The following ANO3 variants were observed in gnomAD, a reference collection of about 807,000 sequenced individuals.
ANO3 encodes the protein anoctamin 3, also known as anoctamin-3.
Under a neutral mutation model 144.8 loss-of-function variants are expected in ANO3, and 99 were observed. The ratio of observed to expected loss-of-function variants is 0.68; its 90% CI spans 0.58 to 0.81. The LOEUF is 0.81. Among genes scored for constraint, ANO3 ranks in the 30% least tolerant of loss-of-function variants. ANO3 has a pLI of 0.00. For synonymous variants in ANO3, 414 were observed against 392.6 expected (o/e 1.05, Z -0.64); for missense variants, 905 against 1,202.2 (o/e 0.75, Z 3.66).
chr11:26,494,066 G>A (rs557502406), intron 4 of ANO3, among the ~76,000 whole-genome samples: 3 of 152,042 alleles, frequency 2.0e-5, no homozygotes, highest in Non-Finnish European at 4.4e-5. Context: ...ATTACAAAAG[G>A]CATAACCAGC....
intron 17 of ANO3, among the ~76,000 whole-genome samples, chr11:26,609,972 C>A (rs542055956): frequency 1.3e-5 from 2 of 152,326 alleles, no homozygotes; most frequent in Admixed American, 6.5e-5. Flanking sequence ...ACTGCAATGG[C>A]GCGATCTCAG....
chr11:26,567,801 C>G lies in ANO3; in HGVS notation c.1447+8022C>G, dbSNP rs983030053. ...CATTAGTAACAGATTGGATAATAAA[C>G]TGTGGTATATTCAGATAGTGAAAAT... On this transcript the variant is annotated intron_variant, in intron 14 of 26. Transcript: ENST00000256737. 6.6e-5 allele frequency among the ~76,000 whole-genome samples: 10 copies of G among 152,038 alleles called. No homozygotes were observed. In the South Asian group the frequency reaches 2.1e-3, roughly 32 times the overall value.
chr11:26,605,940 G>C (rs1013043992), intron 17 of ANO3, among the ~76,000 whole-genome samples: 1 of 151,326 alleles, frequency 6.6e-6, no homozygotes, highest in African/African-American at 2.4e-5. Context: ...ACCTCCTTCT[G>C]TTCTGCTCTG....
At chr11:26,538,589 G>A (rs753486704) in intron 10 of ANO3, among the ~76,000 whole-genome samples, 1 of 152,156 alleles carries the variant, frequency 6.6e-6, no homozygotes, top group African/African-American at 2.4e-5. Context: ...GAGAACCTCT[G>A]TAGCAAAGGA....
chr11:26,552,171 C>A (rs1449645206), intron 12 of ANO3, among the ~76,000 whole-genome samples: 1 of 151,942 alleles, frequency 6.6e-6, no homozygotes, highest in East Asian at 1.9e-4. Context: ...GAAGACTAAA[C>A]AATTTGACAG....
chr11:26,353,043 A>G (rs1326624857), intron 1 of ANO3, among the ~76,000 whole-genome samples: 1 of 152,226 alleles, frequency 6.6e-6, no homozygotes, highest in Non-Finnish European at 1.5e-5. Context: ...CACTCAAGAA[A>G]GGGGAGTACA....
rs72889196 is a variant in ANO3 at position 26,504,034 on chromosome 11, T to G, written c.433-4070T>G. On this transcript the variant is annotated intron_variant, in intron 4 of 26. Coordinates refer to ENST00000256737, the MANE Select transcript of ANO3 (RefSeq NM_031418.4). ...GATTCCGTTTACCGCACTGGGAGAGTAGTATACTTTAAGAAAACGTGGAAG... is the reference window on the plus strand; with the variant it reads ...GATTCCGTTTACCGCACTGGGAGAGGAGTATACTTTAAGAAAACGTGGAAG... Among the ~76,000 whole-genome samples the G allele has an allele frequency of 3.9e-3, 589 of 152,170 alleles. 2 individuals are homozygous for G. The highest frequency in any genetic ancestry group is 6.9e-3 in the Non-Finnish European group (471 of 67,992).
At chr11:26,622,836 T>TAA (rs1329264902) in intron 17 of ANO3, among the ~76,000 whole-genome samples, 7 of 152,334 alleles carry the variant, frequency 4.6e-5, no homozygotes, top group South Asian at 2.1e-4. Context: ...TAAAGCACTG[T>TAA]TTGGCACAAG....
intron 1 of ANO3, among the ~76,000 whole-genome samples, chr11:26,234,844 T>C (rs1391902986): frequency 8.4e-6 from 1 of 118,902 alleles, no homozygotes; most frequent in African/African-American, 2.8e-5. Flanking sequence ...CTGCCTTCTG[T>C]GAGCTGGAGA....
chr11:26,501,236 A>G (rs991045748), intron 4 of ANO3, among the ~76,000 whole-genome samples: 2 of 152,192 alleles, frequency 1.3e-5, no homozygotes, highest in Non-Finnish European at 2.9e-5. Flanking sequence ...ATTGGACTGC[A>G]GAGGCAACAT....
chr11:26,656,641 A>G (rs1282478454), intron 26 of ANO3, among the ~76,000 whole-genome samples, 160 bp downstream of exon 26: 1 of 152,190 alleles, frequency 6.6e-6, no homozygotes, highest in Non-Finnish European at 1.5e-5. Flanking sequence ...CAAGTACAGA[A>G]AAGCAAGAGC....
intron 17 of ANO3, among the ~76,000 whole-genome samples, chr11:26,610,326 T>TA (rs1852061004): frequency 6.9e-6 from 1 of 145,794 alleles, no homozygotes; most frequent in Non-Finnish European, 1.5e-5. Context: ...TTTTTTTTTT[T>TA]ACATACCTGT....
At chr11:26,189,399 G>A in intron 1 of ANO3, 1 of 863,788 alleles carries the variant, frequency 1.2e-6, no homozygotes, top group Non-Finnish European at 1.4e-6. Context: ...AATGTCTGAT[G>A]TGTAATAAAT....
At chr11:26,498,260 C>A (rs889829259) in intron 4 of ANO3, among the ~76,000 whole-genome samples, 46 of 151,936 alleles carry the variant, frequency 3.0e-4, no homozygotes, top group African/African-American at 1.1e-3. Context: ...TTGGACTTTA[C>A]CGTTTGAAGG....
At chr11:26,195,922 C>G (rs1851578214) in intron 1 of ANO3, among the ~76,000 whole-genome samples, 1 of 152,150 alleles carries the variant, frequency 6.6e-6, no homozygotes, top group Non-Finnish European at 1.5e-5. Flanking sequence ...CGAAAAATAC[C>G]TTGTGCAGGG....
At chr11:26,283,321 A>AATAAAT (rs1853722604) in intron 1 of ANO3, among the ~76,000 whole-genome samples, 2 of 49,132 alleles carry the variant, frequency 4.1e-5, no homozygotes, top group African/African-American at 6.4e-5. Flanking sequence ...CAAATAAATA[A>AATAAAT]ATATATATAT....
chr11:26,546,187 A>T (rs1849783443), intron 11 of ANO3, among the ~76,000 whole-genome samples: 1 of 151,780 alleles, frequency 6.6e-6, no homozygotes, highest in South Asian at 2.1e-4. Flanking sequence ...TTTTTTCAAT[A>T]CCTATTAATA....
At chr11:26,500,742 G>A (rs1861160250) in intron 4 of ANO3, among the ~76,000 whole-genome samples, 1 of 151,510 alleles carries the variant, frequency 6.6e-6, no homozygotes, top group Non-Finnish European at 1.5e-5. Flanking sequence ...TTCCCATTCT[G>A]TGGTTTACAC....
At chr11:26,349,995 C>A (rs1855598400) in intron 1 of ANO3, among the ~76,000 whole-genome samples, 1 of 152,058 alleles carries the variant, frequency 6.6e-6, no homozygotes, top group African/African-American at 2.4e-5. Context: ...TTCCCCCTTC[C>A]CCTTAGAAAT....
Sources: allele counts gnomAD v4.1 joint callset (sites outside exome capture counted in the v4.1 genomes callset), GRCh38; gene constraint gnomAD v4.1.1; transcripts MANE v1.5; gene names NCBI Gene and HGNC (gene_info 2026-07-23, HGNC 2026-07-21).